The following LGALS3BP variants were observed in gnomAD, a reference collection of about 807,000 sequenced individuals.
The protein encoded by LGALS3BP is galectin 3 binding protein, also known as galectin-3-binding protein.
A neutral mutation model predicts 22.9 loss-of-function variants in LGALS3BP; 25 were observed. The ratio of observed to expected loss-of-function variants is 1.09; its 90% confidence interval spans 0.80 to 1.53. The LOEUF (loss-of-function observed/expected upper bound fraction) is 1.53, where lower values mean the gene tolerates loss of function less well. Among genes scored for constraint, LGALS3BP ranks in the 40% most tolerant of loss-of-function variants. LGALS3BP has a pLI of 0.00. For synonymous variants in LGALS3BP, 335 were observed against 331.1 expected, an observed-to-expected ratio of 1.01 and a Z score of -0.13; for missense variants, 718 against 752.0, an observed-to-expected ratio of 0.95 and a Z score of 0.53.
rs905723503 is a variant in LGALS3BP at position 78,976,103 on chromosome 17, G to A, written c.106C>T (p.Arg36Cys). 6.2e-6 allele frequency: 10 copies of A among 1,603,032 alleles called. No individual in the cohort carries two copies. Among genetic ancestry groups the A allele is most frequent in the African/African-American group, 2.7e-5 (2 of 74,738 alleles). Reference sequence around the variant, plus strand: ...TGGCCTCTGTAGAAGATCTCCACGCGGCCCTGGTTGGTGGCGCCCCCATCG... The same window carrying A: ...TGGCCTCTGTAGAAGATCTCCACGCAGCCCTGGTTGGTGGCGCCCCCATCG... ...LADGGATNQG[R>C]VEIFYRGQWG... The change falls in exon 3 of 6, where the codon CGC (arginine) becomes TGC (cysteine). Residue 36 changes from arginine to cysteine, a missense_variant. Transcript: ENST00000262776. The surrounding 1 kb of genome is among the most constrained non-coding windows in gnomAD (Gnocchi z 4.6).
In LGALS3BP at chr17:78,973,181, A is replaced by G. The variant is rs2070690584; in HGVS notation, c.418T>C (p.Ser140Pro). 1.3e-6 allele frequency: 2 copies of G among 1,596,158 alleles called. No homozygotes were observed. Among genetic ancestry groups the G allele is most frequent in the Non-Finnish European group, 1.7e-6 (2 of 1,172,174 alleles). Residue 140 changes from serine (S) to proline (P), a missense_variant, in exon 5 of 6, where the codon TCG (serine) becomes CCG (proline). Transcript: ENST00000262776. The surrounding 1 kb of genome is among the most constrained non-coding windows in gnomAD (Gnocchi z 5.8). ...THTLDLSREL[S>P]EALGQIFDSQ... is the part of the protein sequence containing the mutation. ...TCAAAGATCTGGCCAAGGGCCTCCGAGAGCTCCCTGGAGAGGTCCAGGGTG... is the reference window on the plus strand; with the variant it reads ...TCAAAGATCTGGCCAAGGGCCTCCGGGAGCTCCCTGGAGAGGTCCAGGGTG...
chr17:78,977,006 A>T lies in LGALS3BP; in HGVS notation c.52+134T>A, dbSNP rs1260050872. 4.5e-6 allele frequency: 4 copies of T among 884,726 alleles called. No individual in the cohort carries two copies. In the Admixed American group the frequency reaches 6.1e-5, roughly 13 times the overall value. 54.8% of individuals were successfully genotyped at this position (884,726 alleles called of 1,614,324 possible). A position where few individuals can be genotyped will look rare whatever the true frequency, so the allele number is the denominator to read the frequency against. On this transcript the variant is annotated intron_variant, in intron 2 of 5. Coordinates refer to ENST00000262776, the MANE Select transcript of LGALS3BP (RefSeq NM_005567.4). ...ATCACTGGGGATACCTGGTGCTTCA[A>T]GCAGGAGAGAAGATCTGGCTAACCG...
chr17:78,972,515 G>A lies in LGALS3BP; in HGVS notation c.819C>T (p.Ala273=). 1 of 1,612,864 alleles carries A rather than the reference G, an allele frequency of 6.2e-7. No homozygotes were observed. The highest frequency in any genetic ancestry group is 8.5e-7 in the Non-Finnish European group (1 of 1,179,558). Residue 273 remains alanine, a synonymous_variant, in exon 6 of 6, where the codon GCC becomes GCT. Transcript: ENST00000262776. The surrounding 1 kb of genome is among the most constrained non-coding windows in gnomAD (Gnocchi z 5.1). ...ACTGTAGGCAGAGCTTCTCCAGCAG[G>A]GCGTCCCCTGTGGCCACTGCATAGG... ...LYAYAVATGD[A]LLEKLCLQFL...
chr17:78,977,187 G>C lies in LGALS3BP; in HGVS notation c.5C>G (p.Thr2Ser). The C allele has an allele frequency of 6.2e-7, 1 of 1,613,044 alleles. No individual in the cohort carries two copies. The highest frequency in any genetic ancestry group is 2.2e-5 in the East Asian group (1 of 44,870). M[T>S]PPRLFWVWLL... ...CCACACCCAGAAGAGCCTCGGAGGG[G>C]TCATGGCCGTGCCTGGATGCCCAGA... Residue 2 changes from threonine (T) to serine (S), a missense_variant, in exon 2 of 6, where the codon ACC becomes AGC. Coordinates refer to ENST00000262776, the MANE Select transcript of LGALS3BP (RefSeq NM_005567.4).
At chr17:78,977,327 G>T (rs2070730064) in intron 1 of LGALS3BP, 113 bp from the exon 2 acceptor site, 5 of 825,818 alleles carry the variant, frequency 6.1e-6, no homozygotes, top group Admixed American at 5.1e-5. Flanking sequence ...GGCAGGCGGG[G>T]TCCCTCTCTT....
In LGALS3BP at chr17:78,972,586, G is replaced by C. The variant is rs536612550; in HGVS notation, c.748C>G (p.Leu250Val). 87 of 1,598,644 alleles carry C rather than the reference G, an allele frequency of 5.4e-5. 1 individual carries two copies. In the South Asian group the frequency reaches 9.6e-4, roughly 18 times the overall value. Residue 250 changes from leucine (L) to valine (V), a missense_variant, in exon 6 of 6, where the codon CTC (leucine) becomes GTC (valine). Physicochemically the swap from Leu to Val is conservative, Grantham distance 32. Transcript: ENST00000262776. The surrounding 1 kb of genome is among the most constrained non-coding windows in gnomAD (Gnocchi z 5.1). ...QGYCASLFAI[L>V]LPQDPSFQMP... ...TGGAACGAGGGGTCCTGGGGGAGGA[G>C]GATGGCAAAGAGGCTTGCGCAGTAG...
Position 78,973,225 on chromosome 17 carries a change from A to C in LGALS3BP, c.377-3T>G. ...CAGGGTGTGGGTGCTCCTGGTTTCT[A>C]AGAAGGGGCGGGAGGGAAGTGGGCT... is the stretch of plus-strand genomic sequence containing the variant. On this transcript the variant is annotated splice_region_variant and splice_polypyrimidine_tract_variant and intron_variant, in intron 4 of 5. Coordinates refer to ENST00000262776, the MANE Select transcript of LGALS3BP (RefSeq NM_005567.4). This position sits in a 1 kb window ranked among gnomAD's most constrained non-coding sequence, Gnocchi z 5.8. 2 of 1,525,812 alleles carry C rather than the reference A, an allele frequency of 1.3e-6. No homozygotes were observed. The highest frequency in any genetic ancestry group is 1.8e-6 in the Non-Finnish European group (2 of 1,134,394). 94.5% of individuals were successfully genotyped at this position (1,525,812 alleles called of 1,614,324 possible).
Position 78,976,920 on chromosome 17 carries a change from C to T in LGALS3BP, c.52+220G>A, listed in dbSNP as rs975880894. 3.4e-6 allele frequency: 2 copies of T among 590,154 alleles called. No individual in the cohort carries two copies. Among genetic ancestry groups the T allele is most frequent in the Middle Eastern group, 4.0e-4 (1 of 2,520 alleles). The allele number at this position is 590,154 out of a possible 1,614,324, so 36.6% of individuals were successfully genotyped here. On this transcript the variant is annotated intron_variant, in intron 2 of 5. Coordinates refer to ENST00000262776, the MANE Select transcript of LGALS3BP (RefSeq NM_005567.4). The surrounding 1 kb of genome is among the most constrained non-coding windows in gnomAD (Gnocchi z 4.6). ...GACGGAATGGAGGATTCCCTAGTGT[C>T]CTCTCTATAACCTGCATCTCACCTG... is the stretch of plus-strand genomic sequence containing the variant.
chr17:78,974,775 C>T lies in LGALS3BP; in HGVS notation c.289G>A (p.Glu97Lys), dbSNP rs771490373. ...MLDEVQCTGTEASLADCKSLG... is the reference protein window; with the variant it reads ...MLDEVQCTGTKASLADCKSLG... Reference sequence around the variant, plus strand: ...GACTTGCAGTCGGCCAGTGAGGCCTCGGTTCCCGTGCACTGGACCTCATCC... The same window carrying T: ...GACTTGCAGTCGGCCAGTGAGGCCTTGGTTCCCGTGCACTGGACCTCATCC... Residue 97 changes from glutamate (E) to lysine (K), a missense_variant, in exon 4 of 6, where the codon GAG becomes AAG. By Grantham distance (56) the Glu-to-Lys change is moderately conservative (BLOSUM62 1). Coordinates refer to ENST00000262776, the MANE Select transcript of LGALS3BP (RefSeq NM_005567.4). The T allele has an allele frequency of 2.8e-5, 45 of 1,613,722 alleles. No homozygotes were observed. The highest frequency in any genetic ancestry group is 5.3e-5 in the African/African-American group (4 of 74,942).
chr17:78,977,464 G>C (rs2145825569), intron 1 of LGALS3BP: 1 of 450,936 alleles, frequency 2.2e-6, no homozygotes, highest in South Asian at 3.3e-5. Flanking sequence ...GCGTGGGCTG[G>C]GGGCACCCCC....
chr17:78,974,721 G>A lies in LGALS3BP; in HGVS notation c.343C>T (p.His115Tyr). ...CAGACCACACCAGCGTCTCTCTCGT[G>A]CCTGCAGTTGCTCTTCAGCCAGCCC... ...SLGWLKSNCR[H>Y]ERDAGVVCTN... Residue 115 changes from histidine to tyrosine, a missense_variant, in exon 4 of 6, where the codon CAC (histidine) becomes TAC (tyrosine). Physicochemically the swap from His to Tyr is moderately conservative, Grantham distance 83. Coordinates refer to ENST00000262776, the MANE Select transcript of LGALS3BP (RefSeq NM_005567.4). The A allele has an allele frequency of 6.2e-7, 1 of 1,613,778 alleles. No homozygotes were observed. The highest frequency in any genetic ancestry group is 8.5e-7 in the Non-Finnish European group (1 of 1,180,002).
chr17:78,975,791 CAAAAAAAAAAAAAAAAA>C (rs60470107), intron 3 of LGALS3BP, among the ~76,000 whole-genome samples, 157 bp downstream of exon 3: 1 of 52,216 alleles, frequency 1.9e-5, no homozygotes, highest in Non-Finnish European at 3.5e-5. Context: ...GACTCCATCT[CAAAAAAAAAAAAAAAAA>C]AAAAAAAAAA....
At position 78,972,600 on chromosome 17, in the gene LGALS3BP, C is replaced by T. The variant is rs2145822288; in HGVS notation, c.734G>A (p.Ser245Asn). The T allele has an allele frequency of 6.3e-7, 1 of 1,590,778 alleles. No homozygotes were observed. Among genetic ancestry groups the T allele is most frequent in the East Asian group, 2.2e-5 (1 of 44,518 alleles). Reference sequence around the variant, plus strand: ...CTGGGGGAGGAGGATGGCAAAGAGGCTTGCGCAGTAGCCCTGCAGCTGCCT... The same window carrying T: ...CTGGGGGAGGAGGATGGCAAAGAGGTTTGCGCAGTAGCCCTGCAGCTGCCT... The part of the protein sequence containing the change: ...GARQLQGYCA[S>N]LFAILLPQDP... The change falls in exon 6 of 6, where the codon AGC (serine) becomes AAC (asparagine). Residue 245 changes from serine to asparagine, a missense_variant. By Grantham distance (46) the Ser-to-Asn change is conservative. Coordinates refer to ENST00000262776, the MANE Select transcript of LGALS3BP (RefSeq NM_005567.4). The surrounding 1 kb of genome is among the most constrained non-coding windows in gnomAD (Gnocchi z 5.1).
chr17:78,977,930 C>A (rs1042212972), intron 1 of LGALS3BP, among the ~76,000 whole-genome samples: 8 of 152,332 alleles, frequency 5.3e-5, no homozygotes, highest in African/African-American at 1.9e-4. Flanking sequence ...CAGGCCAGGA[C>A]TGGGGAGGTC....
At chr17:78,979,282 C>T (rs557143476) in intron 1 of LGALS3BP, among the ~76,000 whole-genome samples, 1 of 152,392 alleles carries the variant, frequency 6.6e-6, no homozygotes, top group South Asian at 2.1e-4. Context: ...TGAATTCTAA[C>T]CCACTTGCCC....
Position 78,972,144 on chromosome 17 carries a change from A to G in LGALS3BP, c.1190T>C (p.Leu397Pro). The G allele has an allele frequency of 6.2e-7, 1 of 1,613,976 alleles. No homozygotes were observed. Among genetic ancestry groups the G allele is most frequent in the Non-Finnish European group, 8.5e-7 (1 of 1,179,940 alleles). Residue 397 changes from leucine to proline, a missense_variant, in exon 6 of 6, where the codon CTG becomes CCG. Physicochemically the swap from Leu to Pro is moderately conservative, Grantham distance 98. Transcript: ENST00000262776. The surrounding 1 kb of genome is among the most constrained non-coding windows in gnomAD (Gnocchi z 5.1). ...PFQLLARYKG[L>P]NLTEDTYKPR... ...CTTGTAGGTATCCTCGGTGAGGTTC[A>G]GGCCTTTGTACCGGGCCAGCAACTG...
At position 78,974,836 on chromosome 17, in the gene LGALS3BP, T is replaced by C. The variant is rs2070705644; in HGVS notation, c.245-17A>G. On this transcript the variant is annotated splice_polypyrimidine_tract_variant and intron_variant, in intron 3 of 5. Coordinates refer to ENST00000262776, the MANE Select transcript of LGALS3BP (RefSeq NM_005567.4). ...GGCCTGATCCTGTGGACACAGCAGATGGCAGGGCTGGGGGCGTGACGACTG... is the reference window on the plus strand; with the variant it reads ...GGCCTGATCCTGTGGACACAGCAGACGGCAGGGCTGGGGGCGTGACGACTG... The C allele has an allele frequency of 2.5e-6, 4 of 1,611,178 alleles. No homozygotes were observed. In the South Asian group the frequency reaches 3.3e-5, roughly 13 times the overall value.
Position 78,972,901 on chromosome 17 carries a change from T to A in LGALS3BP, c.629+69A>T. 6.5e-7 allele frequency: 1 copy of A among 1,539,966 alleles called. No homozygotes were observed. The highest frequency in any genetic ancestry group is 2.3e-5 in the East Asian group (1 of 44,192). ...ATGTGCAGGTGTGTGTGTGGGGGGC[T>A]GTGCTTTTGAAGAGGGGAGGAGGAC... On this transcript the variant is annotated intron_variant, in intron 5 of 5. Transcript: ENST00000262776. This position sits in a 1 kb window ranked among gnomAD's most constrained non-coding sequence, Gnocchi z 5.1.
In LGALS3BP at chr17:78,972,067, AG is replaced by A. The variant is rs1481265862; in HGVS notation, c.1266del (p.Trp423GlyfsTer101). On this transcript the variant is annotated frameshift_variant, in exon 6 of 6. Transcript: ENST00000262776. LOFTEE classifies it low-confidence loss of function (END_TRUNC). The surrounding 1 kb of genome is among the most constrained non-coding windows in gnomAD (Gnocchi z 5.1). The part of the protein sequence containing the change: ...PTWSAFVTDS[S>X]WSARKSQLVY... The stretch of plus-strand genomic sequence containing the variant: ...ACCAGTTGTGACTTCCGTGCACTCC[AG>A]GAACTGTCTGTCACAAAGGCACTCC... 2.5e-6 allele frequency: 4 copies of A among 1,613,960 alleles called. No individual in the cohort carries two copies. The highest frequency in any genetic ancestry group is 1.1e-5 in the South Asian group (1 of 91,082).
Sources: allele counts gnomAD v4.1 joint callset (sites outside exome capture counted in the v4.1 genomes callset), GRCh38; gene constraint gnomAD v4.1.1; non-coding constraint Gnocchi (gnomAD v3.1); transcripts MANE v1.5; gene names NCBI Gene and HGNC (gene_info 2026-07-23, HGNC 2026-07-21).